Variants in PRPF4 observed in about 807,000 individuals in gnomAD.
PRPF4 encodes U4/U6 small nuclear ribonucleoprotein Prp4.
Under a neutral mutation model 72.2 loss-of-function variants are expected in PRPF4, and 14 were observed. The ratio of observed to expected loss-of-function variants is 0.19; its 90% CI spans 0.13 to 0.30. PRPF4 has a LOEUF of 0.30. PRPF4 is among the 10% of genes least tolerant of loss of function. The pLI is 1.00. For synonymous variants in PRPF4, 225 were observed against 232.2 expected (o/e 0.97, Z 0.28); for missense variants, 478 against 653.9 (o/e 0.73, Z 2.93).
chr9:113,286,461 C>T (rs1020007713), intron 8 of PRPF4, among the ~76,000 whole-genome samples, 171 bp downstream of exon 8: 2 of 152,248 alleles, frequency 1.3e-5, no homozygotes, highest in African/African-American at 2.4e-5. Flanking sequence ...TACACATCCA[C>T]TTTTCTCTCA....
In PRPF4 at chr9:113,285,343, A is replaced by ATTTTTTTTTT. The variant is rs71367713; in HGVS notation, c.750-845_750-836dup. 2.8e-4 allele frequency among the ~76,000 whole-genome samples: 19 copies of ATTTTTTTTTT among 67,574 alleles called. 1 individual carries two copies. The highest frequency in any genetic ancestry group is 4.1e-4 in the Non-Finnish European group (14 of 34,180). The allele number at this position is 67,574 out of a possible 152,430, so 44.3% of individuals were successfully genotyped here. ...CAATAGTGAGACCCTGTCTCTACAA[A>ATTTTTTTTTT]TTTTTTTTTTTTTTTTTTTTTTTTT... On this transcript the variant is annotated intron_variant, in intron 7 of 13. Transcript: ENST00000374198.
At chr9:113,289,364 G>GT (rs1832542382) in intron 10 of PRPF4, among the ~76,000 whole-genome samples, 1 of 152,166 alleles carries the variant, frequency 6.6e-6, no homozygotes, top group Non-Finnish European at 1.5e-5. Context: ...GGGTCATAGG[G>GT]TAGAGGTATG....
chr9:113,278,232 A>T (rs1220700782), intron 2 of PRPF4, among the ~76,000 whole-genome samples: 2 of 152,268 alleles, frequency 1.3e-5, no homozygotes, highest in Admixed American at 6.5e-5. Context: ...AAATAAAATT[A>T]TGCATATTTG....
rs1564251067 is a variant in PRPF4, at chr9:113,284,399, A to AT, written c.749+14dup. 1.3e-6 allele frequency: 2 copies of AT among 1,592,852 alleles called. No homozygotes were observed. Among genetic ancestry groups the AT allele is most frequent in the Non-Finnish European group, 1.7e-6 (2 of 1,160,788 alleles). The stretch of plus-strand genomic sequence containing the variant: ...TGGCCACAGCTTGTTGGTAAGTTCC[A>AT]TTTTACAATGACATTTTTTCCTAAA... On this transcript the variant is annotated intron_variant, in intron 7 of 13. Transcript: ENST00000374198.
At position 113,292,711 on chromosome 9, in the gene PRPF4, C is replaced by T. The variant is rs189605685; in HGVS notation, c.*1051C>T. The stretch of plus-strand genomic sequence containing the variant: ...CAAACATGACGTCTCTATTGTACAA[C>T]CTCCTTTCTCTTGGCTGTTTAAAGG... On this transcript the variant is annotated 3_prime_UTR_variant, in exon 14 of 14. Coordinates refer to ENST00000374198, the MANE Select transcript of PRPF4 (RefSeq NM_001244926.2). 6.6e-6 allele frequency: 1 copy of T among 152,316 alleles called. No homozygotes were observed. The highest frequency in any genetic ancestry group is 1.5e-5 in the Non-Finnish European group (1 of 68,042). 9.4% of individuals were successfully genotyped at this position (152,316 alleles called of 1,614,324 possible).
At chr9:113,281,784 T>A (rs1832290058) in intron 3 of PRPF4, among the ~76,000 whole-genome samples, 1 of 152,178 alleles carries the variant, frequency 6.6e-6, no homozygotes, top group South Asian at 2.1e-4. Context: ...TACCTTTTTT[T>A]AATGAAGCCT....
Position 113,286,690 on chromosome 9 carries a change from C to G in PRPF4, c.809-15C>G, listed in dbSNP as rs1832457933. 3 of 1,614,128 alleles carry G rather than the reference C, an allele frequency of 1.9e-6. No individual in the cohort carries two copies. Among genetic ancestry groups the G allele is most frequent in the Non-Finnish European group, 2.5e-6 (3 of 1,180,008 alleles). On this transcript the variant is annotated splice_polypyrimidine_tract_variant and intron_variant, in intron 8 of 13. Coordinates refer to ENST00000374198, the MANE Select transcript of PRPF4 (RefSeq NM_001244926.2). ...GGCAGGAACCTTTTAACTTGCATCT[C>G]TTACACTCCTTTAGGGCATAACACA... is the stretch of plus-strand genomic sequence containing the variant.
chr9:113,283,584 GA>G lies in PRPF4; in HGVS notation c.654+103del, dbSNP rs1832347798. 3 of 1,142,290 alleles carry G rather than the reference GA, an allele frequency of 2.6e-6. No individual in the cohort carries two copies. The East Asian group carries it at 7.4e-5, about 28-fold the overall frequency. The allele number at this position is 1,142,290 out of a possible 1,614,324, so 70.8% of individuals were successfully genotyped here. On this transcript the variant is annotated intron_variant, in intron 6 of 13. Transcript: ENST00000374198. ...CTGGGAAGGTAGAGGCAACTAGAGT[GA>G]TTCCTCCCTGCTTAAGTTGAGCTGC... is the stretch of plus-strand genomic sequence containing the variant.
At chr9:113,279,964 T>C (rs1230128103) in intron 3 of PRPF4, among the ~76,000 whole-genome samples, 2 of 152,192 alleles carry the variant, frequency 1.3e-5, no homozygotes, top group African/African-American at 2.4e-5. Flanking sequence ...CTCTGGTCTC[T>C]CTGTCCACTG....
chr9:113,278,564 G>C (rs934728987), intron 2 of PRPF4, among the ~76,000 whole-genome samples: 3 of 152,206 alleles, frequency 2.0e-5, no homozygotes, highest in Non-Finnish European at 2.9e-5. Context: ...CCTATACTGG[G>C]TCTCCTTTCG....
In PRPF4 at chr9:113,275,672, C is replaced by A; in HGVS notation, c.-72C>A. On this transcript the variant is annotated 5_prime_UTR_variant, in exon 1 of 14. The change creates a new upstream start codon in the 5' untranslated region. Coordinates refer to ENST00000374198, the MANE Select transcript of PRPF4 (RefSeq NM_001244926.2). Reference sequence around the variant, plus strand: ...CTGTCAGTGACGCACTTCCCCTCTGCTGGGCGCGCGGTGGACGGTCTGAAA... The same window carrying A: ...CTGTCAGTGACGCACTTCCCCTCTGATGGGCGCGCGGTGGACGGTCTGAAA... The A allele has an allele frequency of 6.4e-7, 1 of 1,550,460 alleles. No individual in the cohort carries two copies. Among genetic ancestry groups the A allele is most frequent in the Non-Finnish European group, 8.8e-7 (1 of 1,141,836 alleles).
Position 113,284,308 on chromosome 9 carries a change from T to C in PRPF4, c.668T>C (p.Phe223Ser). ...TTTCTTTTTAAGTCTTTGAATAATT[T>C]TTGCAGTCAGATTGGGGATGATCGG... is the stretch of plus-strand genomic sequence containing the variant. Reference protein sequence around the residue: ...LHKSLRSLNNFCSQIGDDRPI... With the variant: ...LHKSLRSLNNSCSQIGDDRPI... The change falls in exon 7 of 14, where the codon TTT becomes TCT. Residue 223 changes from phenylalanine (F) to serine (S), a missense_variant. Phe to Ser is a radical substitution (Grantham distance 155, BLOSUM62 -2). Coordinates refer to ENST00000374198, the MANE Select transcript of PRPF4 (RefSeq NM_001244926.2). 6.2e-7 allele frequency: 1 copy of C among 1,610,332 alleles called. No homozygotes were observed. The highest frequency in any genetic ancestry group is 8.5e-7 in the Non-Finnish European group (1 of 1,176,612).
intron 1 of PRPF4, 84 bp downstream of exon 1, chr9:113,275,854 C>T (rs990552025): frequency 5.2e-6 from 8 of 1,551,320 alleles, no homozygotes; most frequent in Non-Finnish European, 6.1e-6. Flanking sequence ...CGTTAAGGAG[C>T]GGGAGAAGGC....
chr9:113,286,500 T>A (rs1832452722), intron 8 of PRPF4, among the ~76,000 whole-genome samples: 1 of 152,206 alleles, frequency 6.6e-6, no homozygotes, highest in Non-Finnish European at 1.5e-5. Context: ...CATTTTATAA[T>A]CTCTAAACCA....
chr9:113,282,670 C>A lies in PRPF4; in HGVS notation c.417C>A (p.Val139=). 6.2e-7 allele frequency: 1 copy of A among 1,601,982 alleles called. No homozygotes were observed. The highest frequency in any genetic ancestry group is 1.1e-5 in the South Asian group (1 of 89,956). Residue 139 remains valine, a synonymous_variant, in exon 4 of 14, where the codon GTC becomes GTA. Transcript: ENST00000374198. The part of the protein sequence containing the change: ...RERLRNILSV[V]GTDALKKTKK... ...GGTTAAGAAATATCCTCTCAGTTGT[C>A]GGTACTGATGCCTTGAAAAAGACCA...
chr9:113,286,835 A>G lies in PRPF4; in HGVS notation c.932+7A>G, dbSNP rs772853358. On this transcript the variant is annotated splice_region_variant and intron_variant, in intron 9 of 13. Coordinates refer to ENST00000374198, the MANE Select transcript of PRPF4 (RefSeq NM_001244926.2). ...AGCTTTGGAGTCTCGACAGGTGAAT[A>G]TCACTGTTCTGTGGCCCATACTGCC... 2.0e-5 allele frequency: 33 copies of G among 1,614,022 alleles called. No individual in the cohort carries two copies. The South Asian group carries it at 3.5e-4, about 17-fold the overall frequency.
chr9:113,284,238 G>A, intron 6 of PRPF4, 57 bp from the exon 7 acceptor site: 1 of 1,290,204 alleles, frequency 7.8e-7, no homozygotes, highest in Non-Finnish European at 1.1e-6. Context: ...AAAAGCAAAG[G>A]AGCTCTTAGA....
chr9:113,282,625 C>CTT (rs199502579), intron 3 of PRPF4, 21 bp from the exon 4 acceptor site: 78,530 of 1,238,348 alleles, frequency 0.063, 734 homozygotes, highest in East Asian at 0.12. Flanking sequence ...AAATTCTGAT[C>CTT]TTTTTTTTTT....
At chr9:113,285,343 A>ATTTTTTTTTTTT (rs71367713) in intron 7 of PRPF4, among the ~76,000 whole-genome samples, 14 of 67,576 alleles carry the variant, frequency 2.1e-4, no homozygotes, top group East Asian at 4.6e-4. Flanking sequence ...GTCTCTACAA[A>ATTTTTTTTTTTT]TTTTTTTTTT....
Sources: allele counts gnomAD v4.1 joint callset (sites outside exome capture counted in the v4.1 genomes callset), GRCh38; gene constraint gnomAD v4.1.1; transcripts MANE v1.5; gene names NCBI Gene and HGNC (gene_info 2026-07-23, HGNC 2026-07-21).